TRIM37: variants seen among roughly 807,000 people sequenced by gnomAD.
TRIM37 encodes tripartite motif containing 37, also known as E3 ubiquitin-protein ligase TRIM37.
In TRIM37, 80 loss-of-function variants were observed where a neutral mutation model predicts 129.8. That is an observed-to-expected ratio of 0.62 (90% CI 0.51 to 0.74). The LOEUF is 0.74. Ranked by LOEUF, TRIM37 falls within the 30% of genes least tolerant of loss-of-function variation. The pLI is 0.00. For missense variants in TRIM37, 1,054 were observed against 1,176.5 expected, an observed-to-expected ratio of 0.90 and a Z score of 1.52; for synonymous variants, 389 against 387.1, an observed-to-expected ratio of 1.00 and a Z score of -0.06.
chr17:59,002,612 A>C (rs753161608), intron 22 of TRIM37, among the ~76,000 whole-genome samples: 1 of 152,216 alleles, frequency 6.6e-6, no homozygotes, highest in Non-Finnish European at 1.5e-5. Flanking sequence ...GAAAACCTGA[A>C]AATCTTTCTG....
At chr17:59,035,967 T>C (rs2038429622) in intron 17 of TRIM37, among the ~76,000 whole-genome samples, 1 of 152,164 alleles carries the variant, frequency 6.6e-6, no homozygotes, top group Non-Finnish European at 1.5e-5. Flanking sequence ...GGCCCTATTA[T>C]AGTCTAGTCT....
chr17:59,037,557 CAAAAAAAAA>C (rs58856834), intron 17 of TRIM37, among the ~76,000 whole-genome samples: 253 of 73,974 alleles, frequency 3.4e-3, no homozygotes, highest in Non-Finnish European at 5.5e-3. Flanking sequence ...GACTCTGTCT[CAAAAAAAAA>C]AAAAAAAAAA....
chr17:58,981,633 A>C (rs2143834469), downstream of TRIM37: 1 of 152,760 alleles, frequency 6.5e-6, no homozygotes, highest in African/African-American at 2.4e-5. Flanking sequence ...GGCGGTTTAT[A>C]GTCAGAAAGA....
At chr17:59,095,986 G>A (rs996408844) in intron 2 of TRIM37, among the ~76,000 whole-genome samples, 1 of 152,126 alleles carries the variant, frequency 6.6e-6, no homozygotes, top group Admixed American at 6.5e-5. Context: ...CTCCCAACGT[G>A]CTGGGACTAC....
intron 9 of TRIM37, 111 bp from the exon 10 acceptor site, chr17:59,064,516 C>T (rs2041772891): frequency 2.8e-6 from 2 of 708,900 alleles, no homozygotes; most frequent in East Asian, 2.7e-5. Context: ...AAACTAAAAT[C>T]TAAGAAATAT....
At position 59,076,176 on chromosome 17, in the gene TRIM37, AG is replaced by A. The variant is rs11320758; in HGVS notation, c.617-463del. ...AAAAGGTCTGTCCTGTGAATATACA[AG>A]GACCTGTTTAAAAAAAAAAATGCCC... On this transcript the variant is annotated intron_variant, in intron 7 of 23. Transcript: ENST00000262294. Among the ~76,000 whole-genome samples the A allele has an allele frequency of 8.7e-3, 1,321 of 152,294 alleles. 26 individuals are homozygous for A. Among genetic ancestry groups the A allele is most frequent in the African/African-American group, 0.029 (1,219 of 41,560 alleles).
intron 8 of TRIM37, among the ~76,000 whole-genome samples, chr17:59,071,328 C>G (rs2042344175): frequency 6.7e-6 from 1 of 149,636 alleles, no homozygotes; most frequent in Non-Finnish European, 1.5e-5. Flanking sequence ...CTCTGTTGCC[C>G]AGGCTGGAGT....
At chr17:59,077,818 A>T (rs2146968316) in intron 7 of TRIM37, among the ~76,000 whole-genome samples, 1 of 148,548 alleles carries the variant, frequency 6.7e-6, no homozygotes, top group East Asian at 2.0e-4. Flanking sequence ...TCAAAAAAAA[A>T]AAAAAAAAAA....
rs61545184 is a variant in TRIM37, at chr17:59,009,443, C to CTTT, written c.2695+2882_2695+2884dup. On this transcript the variant is annotated intron_variant, in intron 22 of 23. Coordinates refer to ENST00000262294, the MANE Select transcript of TRIM37 (RefSeq NM_015294.6). ...CATGCCCAACCTTCCAATTTCTTTT[C>CTTT]TTTTTTTTTTTTTTTTTTTGAGACG... Among the ~76,000 whole-genome samples the CTTT allele has an allele frequency of 7.1e-3, 768 of 107,554 alleles. 10 individuals are homozygous for CTTT. The highest frequency in any genetic ancestry group is 0.023 in the African/African-American group (717 of 31,016). The allele number at this position is 107,554 out of a possible 152,430, so 70.6% of individuals were successfully genotyped here.
intron 10 of TRIM37, among the ~76,000 whole-genome samples, chr17:59,063,120 C>A (rs1156270092): frequency 6.6e-6 from 1 of 150,926 alleles, no homozygotes; most frequent in African/African-American, 2.4e-5. Flanking sequence ...ACAAAAGTAA[C>A]CCTAAGAAAA....
At chr17:59,096,558 A>C (rs932113058) in intron 2 of TRIM37, among the ~76,000 whole-genome samples, 3 of 141,574 alleles carry the variant, frequency 2.1e-5, no homozygotes, top group East Asian at 2.0e-4. Context: ...TCAAAAAAAA[A>C]AAAACAAAAA....
intron 5 of TRIM37, among the ~76,000 whole-genome samples, chr17:59,081,599 A>G (rs2043256554): frequency 2.0e-5 from 3 of 151,932 alleles, no homozygotes; most frequent in Non-Finnish European, 4.4e-5. Flanking sequence ...TACAAAAATT[A>G]CTCCCTCTTA....
At chr17:59,024,788 A>G (rs1394407688) in intron 19 of TRIM37, among the ~76,000 whole-genome samples, 2 of 152,246 alleles carry the variant, frequency 1.3e-5, no homozygotes. Flanking sequence ...GCATCCCAAA[A>G]TGCTGGGATT....
chr17:59,076,343 C>G (rs1042880336), intron 7 of TRIM37, among the ~76,000 whole-genome samples: 5 of 152,214 alleles, frequency 3.3e-5, no homozygotes, highest in Non-Finnish European at 5.9e-5. Context: ...GTATTTGAGA[C>G]CAGCCTAGGC....
intron 17 of TRIM37, among the ~76,000 whole-genome samples, chr17:59,041,394 C>CTATA (rs2145884339): frequency 6.6e-6 from 1 of 152,240 alleles, no homozygotes; most frequent in Non-Finnish European, 1.5e-5. Context: ...TGAGATCATT[C>CTATA]TATAGTCTAG....
At chr17:58,991,407 G>A (rs141581707) in intron 24 of TRIM37, among the ~76,000 whole-genome samples, 1 of 151,302 alleles carries the variant, frequency 6.6e-6, no homozygotes, top group Non-Finnish European at 1.5e-5. Flanking sequence ...GTGGTGGCAG[G>A]TGCCTGTAAT....
intron 22 of TRIM37, among the ~76,000 whole-genome samples, chr17:59,011,977 A>G (rs373963551): frequency 1.8e-4 from 27 of 152,182 alleles, no homozygotes; most frequent in East Asian, 9.6e-4. Flanking sequence ...GTGCCTTAAC[A>G]TATTTATTGA....
intron 22 of TRIM37, among the ~76,000 whole-genome samples, chr17:59,003,922 TAAAAAAAA>T (rs60843441): frequency 1.3e-4 from 12 of 89,580 alleles, no homozygotes; most frequent in African/African-American, 3.9e-4. Context: ...CCCATCTCTA[TAAAAAAAA>T]AAAAAAAAAA....
At chr17:59,027,205 T>C (rs1351935556) in intron 19 of TRIM37, among the ~76,000 whole-genome samples, 3 of 152,156 alleles carry the variant, frequency 2.0e-5, no homozygotes, top group Admixed American at 2.0e-4. Context: ...ATTAAACATG[T>C]TTAAAAAAGA....
Sources: gnomAD v4.1 joint callset for allele counts (sites outside exome capture counted in the v4.1 genomes callset) on GRCh38, gnomAD v4.1.1 for gene constraint, MANE v1.5 for transcripts, NCBI Gene and HGNC (gene_info 2026-07-23, HGNC 2026-07-21) for gene names.